TAFA1: variants seen among roughly 807,000 people sequenced by gnomAD.
TAFA1 encodes chemokine-like protein TAFA-1.
In TAFA1, 4 loss-of-function variants were observed where a neutral mutation model predicts 18.5. That is an observed-to-expected ratio of 0.22 (90% CI 0.11 to 0.49). The LOEUF (loss-of-function observed/expected upper bound fraction) is 0.49. Among genes scored for constraint, TAFA1 ranks in the 20% least tolerant of loss-of-function variants. The pLI is 0.98. For synonymous variants in TAFA1, 56 were observed against 55.2 expected (o/e 1.01, Z -0.06); for missense variants, 147 against 169.0 (o/e 0.87, Z 0.72).
At chr3:68,312,125 G>A (rs1006046227) in intron 2 of TAFA1, among the ~76,000 whole-genome samples, 1 of 152,186 alleles carries the variant, frequency 6.6e-6, no homozygotes, top group Non-Finnish European at 1.5e-5. Context: ...CAGCTGTGAT[G>A]CACGGCATCA....
Position 68,442,356 on chromosome 3 carries a change from C to G in TAFA1, c.259+24936C>G, listed in dbSNP as rs140463653. ...TAAGCTAATGTGCTTGCTCAGGTCT[C>G]TCTTCCTCTTCTTCTAAGGCCATCC... On this transcript the variant is annotated intron_variant, in intron 3 of 4. Coordinates refer to ENST00000478136, the MANE Select transcript of TAFA1 (RefSeq NM_213609.4). 1.2e-3 allele frequency among the ~76,000 whole-genome samples: 183 copies of G among 152,202 alleles called. 1 individual carries two copies. Among genetic ancestry groups the G allele is most frequent in the African/African-American group, 4.2e-3 (175 of 41,546 alleles).
chr3:68,038,452 G>C (rs920577262), intron 2 of TAFA1, among the ~76,000 whole-genome samples: 3 of 152,100 alleles, frequency 2.0e-5, no homozygotes, highest in Non-Finnish European at 2.9e-5. Context: ...TTCTTTCCTG[G>C]ACAGTAAGCT....
At chr3:68,428,467 C>A (rs894550821) in intron 3 of TAFA1, among the ~76,000 whole-genome samples, 6 of 151,962 alleles carry the variant, frequency 3.9e-5, no homozygotes, top group African/African-American at 1.4e-4. Flanking sequence ...TCCTACCCTG[C>A]ATAGGTGACC....
At chr3:68,338,244 G>A (rs1462729903) in intron 2 of TAFA1, among the ~76,000 whole-genome samples, 1 of 152,130 alleles carries the variant, frequency 6.6e-6, no homozygotes, top group African/African-American at 2.4e-5. Context: ...GTGCTTATCG[G>A]TGTTCAAAAA....
At chr3:68,210,545 G>C (rs1029642516) in intron 2 of TAFA1, among the ~76,000 whole-genome samples, 10 of 151,956 alleles carry the variant, frequency 6.6e-5, no homozygotes, top group Admixed American at 3.9e-4. Flanking sequence ...ATAATGAAGG[G>C]AATCTGTTTT....
intron 3 of TAFA1, among the ~76,000 whole-genome samples, chr3:68,480,184 A>G (rs2072203732): frequency 6.6e-6 from 1 of 151,732 alleles, no homozygotes; most frequent in South Asian, 2.1e-4. Context: ...CAAGGTCAGG[A>G]AATCGAGACC....
At chr3:68,442,057 A>G (rs1240108393) in intron 3 of TAFA1, among the ~76,000 whole-genome samples, 3 of 152,154 alleles carry the variant, frequency 2.0e-5, no homozygotes, top group Non-Finnish European at 4.4e-5. Context: ...AAATTCTTCC[A>G]GCCTCTGCCC....
chr3:68,120,197 CTT>C (rs1491496964), intron 2 of TAFA1, among the ~76,000 whole-genome samples: 2 of 79,416 alleles, frequency 2.5e-5, no homozygotes, highest in East Asian at 3.1e-4. Context: ...TTCTTTCTTT[CTT>C]TCTTTCTTTC....
rs371562900 is a variant in TAFA1, at chr3:68,266,370, C to T, written c.119-150910C>T. ...GGGTTGTGAAGTTGAAGGTTTTATA[C>T]GAAACATAACTGCTGTCTTTACCCA... is the stretch of plus-strand genomic sequence containing the variant. On this transcript the variant is annotated intron_variant, in intron 2 of 4. Coordinates refer to ENST00000478136, the MANE Select transcript of TAFA1 (RefSeq NM_213609.4). Among the ~76,000 whole-genome samples the T allele has an allele frequency of 1.0e-3, 153 of 152,170 alleles. 3 individuals carry two copies. The South Asian group carries it at 0.031, about 31-fold the overall frequency.
intron 2 of TAFA1, among the ~76,000 whole-genome samples, chr3:68,066,124 T>A (rs1384643619): frequency 3.3e-5 from 5 of 152,152 alleles, no homozygotes; most frequent in Admixed American, 6.6e-5. Flanking sequence ...TTGATTGTAG[T>A]GATGGTTTCA....
intron 2 of TAFA1, among the ~76,000 whole-genome samples, chr3:68,322,280 T>C (rs1016937303): frequency 6.6e-6 from 1 of 152,150 alleles, no homozygotes. Context: ...CTCATTAAAT[T>C]ATTTAAAGCT....
chr3:68,485,530 C>T (rs985391908), intron 3 of TAFA1, among the ~76,000 whole-genome samples: 2 of 152,122 alleles, frequency 1.3e-5, no homozygotes, highest in Non-Finnish European at 2.9e-5. Context: ...GTTTACTCAC[C>T]GTATTTACCA....
chr3:68,247,638 A>T (rs922520556), intron 2 of TAFA1: 10 of 152,204 alleles, frequency 6.6e-5, no homozygotes, highest in African/African-American at 2.4e-4. Context: ...TACTTTATAA[A>T]TCCTTTTCAC....
At chr3:68,159,349 T>C (rs182000427) in intron 2 of TAFA1, among the ~76,000 whole-genome samples, 82 of 152,092 alleles carry the variant, frequency 5.4e-4, no homozygotes, top group Admixed American at 1.1e-3. Flanking sequence ...ATTCCGCAAA[T>C]TGTGCTCCTT....
chr3:68,095,685 T>C (rs2065079767), intron 2 of TAFA1, among the ~76,000 whole-genome samples: 2 of 152,154 alleles, frequency 1.3e-5, no homozygotes, highest in Non-Finnish European at 2.9e-5. Context: ...GTGATGATAA[T>C]AAAAGTAACA....
chr3:68,337,580 G>GT (rs2068995803), intron 2 of TAFA1, among the ~76,000 whole-genome samples: 1 of 152,184 alleles, frequency 6.6e-6, no homozygotes, highest in Admixed American at 6.5e-5. Flanking sequence ...ATATACTCAT[G>GT]TTATCACCAA....
chr3:68,413,603 C>T (rs1391031049), intron 2 of TAFA1, among the ~76,000 whole-genome samples: 1 of 151,908 alleles, frequency 6.6e-6, no homozygotes, highest in Non-Finnish European at 1.5e-5. Context: ...CATTTTAAAC[C>T]TTGATAATAA....
chr3:68,318,250 C>T (rs752610157), intron 2 of TAFA1, among the ~76,000 whole-genome samples: 6 of 152,130 alleles, frequency 3.9e-5, no homozygotes, highest in African/African-American at 1.2e-4. Context: ...TGACACACCT[C>T]GGCTCAAGGG....
intron 2 of TAFA1, among the ~76,000 whole-genome samples, chr3:68,066,115 T>A (rs1238152791): frequency 6.6e-6 from 1 of 152,074 alleles, no homozygotes; most frequent in Non-Finnish European, 1.5e-5. Context: ...GAAATTCTCT[T>A]GATTGTAGTG....
Sources: gnomAD v4.1 joint callset for allele counts (sites outside exome capture counted in the v4.1 genomes callset) on GRCh38, gnomAD v4.1.1 for gene constraint, MANE v1.5 for transcripts, NCBI Gene and HGNC (gene_info 2026-07-23, HGNC 2026-07-21) for gene names.